Variants in MAP2 observed in about 807,000 individuals in gnomAD.
MAP2 encodes microtubule associated protein 2.
MAP2 carries 14 observed loss-of-function variants against 137.6 expected under a neutral mutation model. That is an observed-to-expected ratio of 0.10 (90% CI 0.07 to 0.16). The LOEUF (loss-of-function observed/expected upper bound fraction) is 0.16. Among genes scored for constraint, MAP2 ranks in the 10% least tolerant of loss-of-function variants. MAP2 has a pLI of 1.00. For missense variants in MAP2, 2,088 were observed against 2,191.5 expected, an observed-to-expected ratio of 0.95 and a Z score of 0.94; for synonymous variants, 786 against 782.3, an observed-to-expected ratio of 1.00 and a Z score of -0.08.
chr2:209,611,470 AT>A (rs1405883255), intron 3 of MAP2, among the ~76,000 whole-genome samples: 2 of 151,736 alleles, frequency 1.3e-5, no homozygotes, highest in Admixed American at 1.3e-4. Flanking sequence ...CACTGAAAAA[AT>A]ATATATATAA....
rs1218954596 is a variant in MAP2, at chr2:209,694,640, G to C, written c.2470G>C (p.Ala824Pro). The C allele has an allele frequency of 6.2e-7, 1 of 1,614,022 alleles. No homozygotes were observed. The highest frequency in any genetic ancestry group is 1.3e-5 in the African/African-American group (1 of 74,928). The change falls in exon 8 of 16, where the codon GCA (alanine) becomes CCA (proline). Residue 824 changes from alanine (A) to proline (P), a missense_variant. Physicochemically the swap from Ala to Pro is conservative, Grantham distance 27 (BLOSUM62 -1). Coordinates refer to ENST00000682079, the MANE Select transcript of MAP2 (RefSeq NM_001375505.1). ...AAGGTCAAGATTGGCTTCTGTGAGT[G>C]CAGATGCTGAGGTTGCCAGGAGGAA... is the stretch of plus-strand genomic sequence containing the variant. ...GTRSRLASVS[A>P]DAEVARRKSV...
Position 209,424,146 on chromosome 2 carries a change from C to A in MAP2, c.-352C>A. 7.5e-6 allele frequency: 1 copy of A among 133,820 alleles called. No individual in the cohort carries two copies. The highest frequency in any genetic ancestry group is 2.2e-4 in the South Asian group (1 of 4,634). The allele number at this position is 133,820 out of a possible 1,614,324, so 8.3% of individuals were successfully genotyped here. On this transcript the variant is annotated 5_prime_UTR_variant, in exon 1 of 16. Transcript: ENST00000682079. ...ACTTCCCTTCCGCTTCTTTCTCTTC[C>A]TTCTCCTTCTTTTTCCCCCCCCTCC...
intron 1 of MAP2, among the ~76,000 whole-genome samples, chr2:209,459,600 T>A (rs191131832): frequency 3.1e-4 from 47 of 152,290 alleles, no homozygotes; most frequent in African/African-American, 1.1e-3. Context: ...TCTACTGTAA[T>A]TCTTTTGTCC....
chr2:209,662,111 A>G (rs192480898), intron 5 of MAP2, among the ~76,000 whole-genome samples: 11 of 152,342 alleles, frequency 7.2e-5, no homozygotes, highest in Admixed American at 6.5e-4. Context: ...CCTATGACTC[A>G]ACAAATTAAG....
At chr2:209,499,426 C>G (rs1287969444) in intron 1 of MAP2, among the ~76,000 whole-genome samples, 1 of 152,128 alleles carries the variant, frequency 6.6e-6, no homozygotes, top group East Asian at 1.9e-4. Context: ...CAAACTTTCC[C>G]TCATCTTTCT....
At chr2:209,453,768 G>A (rs1370844311) in intron 1 of MAP2, among the ~76,000 whole-genome samples, 2 of 144,772 alleles carry the variant, frequency 1.4e-5, no homozygotes, top group Non-Finnish European at 2.9e-5. Flanking sequence ...CAGGAAAAGT[G>A]ATATTTCTCA....
intron 1 of MAP2, among the ~76,000 whole-genome samples, chr2:209,481,052 C>G (rs901527385): frequency 6.6e-6 from 1 of 152,186 alleles, no homozygotes; most frequent in South Asian, 2.1e-4. Context: ...GGAAAAGAGA[C>G]CATCTCCTGT....
chr2:209,523,210 G>A (rs1266530773), intron 2 of MAP2, among the ~76,000 whole-genome samples: 1 of 151,968 alleles, frequency 6.6e-6, no homozygotes, highest in African/African-American at 2.4e-5. Context: ...ATAACACCCC[G>A]AATGCAATCT....
intron 4 of MAP2, among the ~76,000 whole-genome samples, chr2:209,649,460 T>A (rs2094634484): frequency 6.6e-6 from 1 of 152,222 alleles, no homozygotes; most frequent in East Asian, 1.9e-4. Context: ...AGATAATCTA[T>A]GACCCCAAAA....
At chr2:209,442,601 A>G (rs1698078023) in intron 1 of MAP2, among the ~76,000 whole-genome samples, 1 of 151,472 alleles carries the variant, frequency 6.6e-6, no homozygotes, top group African/African-American at 2.4e-5. Flanking sequence ...GATCTTTTCC[A>G]TTGTCCGATA....
chr2:209,660,463 G>A (rs1039087780), intron 5 of MAP2, among the ~76,000 whole-genome samples: 1 of 142,118 alleles, frequency 7.0e-6, no homozygotes, highest in Non-Finnish European at 1.5e-5. Flanking sequence ...GCGCGATCTC[G>A]GCACACTGCA....
At chr2:209,490,859 T>A (rs2059021731) in intron 1 of MAP2, among the ~76,000 whole-genome samples, 1 of 151,754 alleles carries the variant, frequency 6.6e-6, no homozygotes, top group South Asian at 2.1e-4. Flanking sequence ...GTGGGAGACT[T>A]TACCACCCCA....
intron 2 of MAP2, among the ~76,000 whole-genome samples, chr2:209,514,193 G>GTCACTTTGTATC (rs2062132960): frequency 6.6e-6 from 1 of 151,792 alleles, no homozygotes; most frequent in Non-Finnish European, 1.5e-5. Context: ...TTAATACAAA[G>GTCACTTTGTATC]ATATTAATAT....
intron 4 of MAP2, among the ~76,000 whole-genome samples, chr2:209,650,254 A>G (rs1190386186): frequency 6.6e-6 from 1 of 152,212 alleles, no homozygotes. Context: ...CCTCTTGGGG[A>G]TGTTAATAAA....
intron 13 of MAP2, among the ~76,000 whole-genome samples, chr2:209,711,164 T>G (rs2065325540): frequency 6.6e-6 from 1 of 152,168 alleles, no homozygotes; most frequent in African/African-American, 2.4e-5. Flanking sequence ...TATAATGCCC[T>G]TTCAGTATTC....
intron 2 of MAP2, among the ~76,000 whole-genome samples, chr2:209,564,080 A>AT (rs1210998730): frequency 6.6e-6 from 1 of 152,122 alleles, no homozygotes; most frequent in Admixed American, 6.6e-5. Context: ...TGATCAGAGC[A>AT]TTTTTTTCTG....
chr2:209,569,833 G>A (rs758307455), intron 2 of MAP2, among the ~76,000 whole-genome samples: 12 of 151,690 alleles, frequency 7.9e-5, no homozygotes, highest in South Asian at 2.1e-4. Context: ...GTTAAGATAC[G>A]TACTTTACTA....
chr2:209,455,059 C>G (rs1012786152), intron 1 of MAP2, among the ~76,000 whole-genome samples: 9 of 152,144 alleles, frequency 5.9e-5, no homozygotes, highest in Admixed American at 5.9e-4. Flanking sequence ...TATGAGGGCA[C>G]TAATCACATC....
intron 1 of MAP2, among the ~76,000 whole-genome samples, chr2:209,431,062 T>G (rs1694134907): frequency 6.6e-6 from 1 of 152,178 alleles, no homozygotes; most frequent in Non-Finnish European, 1.5e-5. Context: ...TTCATGCTTT[T>G]TCTTCTTTTG....
Sources: allele counts gnomAD v4.1 joint callset (sites outside exome capture counted in the v4.1 genomes callset), GRCh38; gene constraint gnomAD v4.1.1; transcripts MANE v1.5; gene names NCBI Gene and HGNC (gene_info 2026-07-23, HGNC 2026-07-21).